The following C16orf96 variants were observed in gnomAD, a reference collection of about 807,000 sequenced individuals.
C16orf96 encodes the protein chromosome 16 open reading frame 96.
C16orf96 carries 108 observed loss-of-function variants against 103.6 expected under a neutral mutation model. The ratio of observed to expected loss-of-function variants is 1.04; its 90% confidence interval spans 0.89 to 1.22. C16orf96 has a LOEUF of 1.22. Ranked by LOEUF, C16orf96 falls within the 50% of genes most tolerant of loss-of-function variation. The pLI is 0.00. For synonymous variants in C16orf96, 566 were observed against 593.5 expected, an observed-to-expected ratio of 0.95 and a Z score of 0.67; for missense variants, 1,586 against 1,464.2, an observed-to-expected ratio of 1.08 and a Z score of -1.36.
chr16:4,571,701 G>A (rs773449144), intron 2 of C16orf96, 36 bp downstream of exon 2: 73 of 1,493,746 alleles, frequency 4.9e-5, no homozygotes, highest in East Asian at 7.7e-5. Flanking sequence ...TGCCAGCTGC[G>A]TTGCTCAGGC....
the C16orf96 span, among the ~76,000 whole-genome samples, chr16:4,546,754 G>A: frequency 6.6e-6 from 1 of 151,716 alleles, no homozygotes. Flanking sequence ...ACAGGCATAA[G>A]CCACCACACC....
the C16orf96 span, among the ~76,000 whole-genome samples, chr16:4,544,056 T>C: frequency 4.3e-3 from 647 of 152,058 alleles, 3 homozygotes; most frequent in Middle Eastern, 6.8e-3. Flanking sequence ...GAAGGACCTG[T>C]GGAAACTAAG....
chr16:4,554,633 C>T (rs777284265), upstream of C16orf96, among the ~76,000 whole-genome samples: 1 of 151,590 alleles, frequency 6.6e-6, no homozygotes, highest in Admixed American at 6.6e-5. Flanking sequence ...GAATTACAGG[C>T]GTGAGCCACC....
At position 4,575,521 on chromosome 16, in the gene C16orf96, G is replaced by A. The variant is rs1421537718; in HGVS notation, c.1041G>A (p.Val347=). 3 of 1,545,878 alleles carry A rather than the reference G, an allele frequency of 1.9e-6. No homozygotes were observed. Among genetic ancestry groups the A allele is most frequent in the Admixed American group, 3.9e-5 (2 of 50,916 alleles). The change falls in exon 5 of 16, where the codon GTG becomes GTA. Residue 347 remains valine, a synonymous_variant. Coordinates refer to ENST00000444310, the MANE Select transcript of C16orf96 (RefSeq NM_001145011.2). ...GLELGLELEP[V]PALGPVPGPS... is the part of the protein sequence containing the mutation. ...AGCTGGGGCTGGAGCTGGAGCCTGT[G>A]CCTGCCCTGGGGCCTGTCCCAGGGC...
At chr16:4,545,539 G>A in the C16orf96 span, among the ~76,000 whole-genome samples, 5 of 152,166 alleles carry the variant, frequency 3.3e-5, no homozygotes, top group Non-Finnish European at 4.4e-5. Context: ...AGCCAGAATC[G>A]CCCCTGCATA....
At chr16:4,578,244 G>C (rs2059537886) in intron 5 of C16orf96, among the ~76,000 whole-genome samples, 1 of 152,116 alleles carries the variant, frequency 6.6e-6, no homozygotes, top group Admixed American at 6.5e-5. Flanking sequence ...CTGGGTTCGA[G>C]AGATTCTCCT....
the C16orf96 span, among the ~76,000 whole-genome samples, chr16:4,546,501 T>C: frequency 6.7e-6 from 1 of 148,888 alleles, no homozygotes; most frequent in African/African-American, 2.5e-5. Context: ...TCTCACTGTG[T>C]TGCACAGGCT....
chr16:4,568,841 G>T (rs2059408126), intron 1 of C16orf96, among the ~76,000 whole-genome samples: 1 of 151,778 alleles, frequency 6.6e-6, no homozygotes, highest in African/African-American at 2.4e-5. Context: ...TGTTGCCCAG[G>T]CTGGTTTCGA....
At position 4,576,309 on chromosome 16, in the gene C16orf96, A is replaced by G. The variant is rs1240300383; in HGVS notation, c.1829A>G (p.Asp610Gly). Residue 610 changes from aspartate (D) to glycine (G), a missense_variant, in exon 5 of 16, where the codon GAC (aspartate) becomes GGC (glycine). Coordinates refer to ENST00000444310, the MANE Select transcript of C16orf96 (RefSeq NM_001145011.2). Reference protein sequence around the residue: ...PATKMAAIATDTAAAGPLGVF... With the variant: ...PATKMAAIATGTAAAGPLGVF... ...ACCAAAATGGCCGCCATTGCAACAG[A>G]CACGGCTGCAGCTGGGCCCCTAGGG... is the stretch of plus-strand genomic sequence containing the variant. 6 of 1,550,674 alleles carry G rather than the reference A, an allele frequency of 3.9e-6. No individual in the cohort carries two copies. In the African/African-American group the frequency reaches 8.2e-5, roughly 21 times the overall value.
intron 9 of C16orf96, among the ~76,000 whole-genome samples, chr16:4,590,613 G>A (rs1448708605): frequency 3.3e-5 from 5 of 151,708 alleles, no homozygotes; most frequent in African/African-American, 9.7e-5. Flanking sequence ...GGCCAGGTGC[G>A]GTGGCTCACA....
the C16orf96 span, among the ~76,000 whole-genome samples, chr16:4,546,546 C>A: frequency 6.5e-4 from 97 of 150,258 alleles, no homozygotes; most frequent in Admixed American, 5.8e-3. Flanking sequence ...CTCACTGCAG[C>A]CTCGACCTTC....
intron 2 of C16orf96, among the ~76,000 whole-genome samples, chr16:4,572,594 T>TGC (rs1304886149): frequency 6.6e-6 from 1 of 151,938 alleles, no homozygotes; most frequent in African/African-American, 2.4e-5. Context: ...AGCCACCACA[T>TGC]CCGGCAATAC....
At chr16:4,557,037 T>C in intron 1 of C16orf96, 128 bp downstream of exon 1, 2 of 1,088,694 alleles carry the variant, frequency 1.8e-6, no homozygotes, top group Non-Finnish European at 2.5e-6. Context: ...TGGTGTGATC[T>C]TGGCTCACTG....
Position 4,594,522 on chromosome 16 carries a change from C to T in C16orf96, c.3027+12C>T, listed in dbSNP as rs1420609517. ...TCGACTATGACAGCGTGAGTCTGGC[C>T]GGGGCCTCCTTCTCAGAGGGTGGAC... is the stretch of plus-strand genomic sequence containing the variant. On this transcript the variant is annotated intron_variant, in intron 13 of 15. Transcript: ENST00000444310. 6 of 1,548,966 alleles carry T rather than the reference C, an allele frequency of 3.9e-6. No homozygotes were observed. The highest frequency in any genetic ancestry group is 3.3e-4 in the Middle Eastern group (2 of 5,982).
chr16:4,571,757 A>G, intron 2 of C16orf96, 92 bp downstream of exon 2: 2 of 1,146,512 alleles, frequency 1.7e-6, no homozygotes, highest in Admixed American at 2.2e-5. Context: ...GCTTACTGTT[A>G]GGCCAAGAGT....
chr16:4,547,124 C>G, the C16orf96 span, among the ~76,000 whole-genome samples: 545 of 152,272 alleles, frequency 3.6e-3, 7 homozygotes, highest in African/African-American at 0.013. Flanking sequence ...AAGCCAGTCA[C>G]AGAAGACCAC....
At chr16:4,565,393 C>T (rs1220618427) in intron 1 of C16orf96, among the ~76,000 whole-genome samples, 1 of 152,208 alleles carries the variant, frequency 6.6e-6, no homozygotes, top group Non-Finnish European at 1.5e-5. Flanking sequence ...CAGAGCATGT[C>T]CCCTACATGT....
chr16:4,562,696 C>A (rs2059345025), intron 1 of C16orf96: 1 of 437,190 alleles, frequency 2.3e-6, no homozygotes, highest in Non-Finnish European at 4.1e-6. Context: ...CTTACAAATT[C>A]TTCTGCAATC....
In C16orf96 at chr16:4,576,295, C is replaced by T. The variant is rs1028677438; in HGVS notation, c.1815C>T (p.Ala605=). 22 of 1,550,690 alleles carry T rather than the reference C, an allele frequency of 1.4e-5. No homozygotes were observed. In the East Asian group the frequency reaches 2.4e-4, roughly 17 times the overall value. ...FVKDAPATKM[A]AIATDTAAAG... ...AGGATGCCCCAGCCACCAAAATGGC[C>T]GCCATTGCAACAGACACGGCTGCAG... Residue 605 remains alanine (A), a synonymous_variant, in exon 5 of 16, where the codon GCC becomes GCT. Coordinates refer to ENST00000444310, the MANE Select transcript of C16orf96 (RefSeq NM_001145011.2).
Sources: gnomAD v4.1 joint callset for allele counts (sites outside exome capture counted in the v4.1 genomes callset) on GRCh38, gnomAD v4.1.1 for gene constraint, MANE v1.5 for transcripts, NCBI Gene and HGNC (gene_info 2026-07-23, HGNC 2026-07-21) for gene names.